The following THTPA variants were observed in gnomAD, a reference collection of about 807,000 sequenced individuals.
THTPA encodes the protein thiamine triphosphatase, also known as thiamine-triphosphatase.
THTPA carries 16 observed loss-of-function variants against 16.5 expected under a neutral mutation model. The observed-to-expected ratio is 0.97, with a 90% CI of 0.66 to 1.47. The LOEUF is 1.47. THTPA is among the 40% of genes most tolerant of loss of function. The pLI, the probability that THTPA is intolerant of heterozygous loss-of-function variation, is 0.00. For synonymous variants in THTPA, 110 were observed against 115.5 expected (o/e 0.95, Z 0.30); for missense variants, 281 against 280.9 (o/e 1.00, Z 0.00).
chr14:23,527,578 A>G, the THTPA span: 1 of 1,536,140 alleles, frequency 6.5e-7, no homozygotes, highest in Non-Finnish European at 8.7e-7. Context: ...GTCTTGTTGT[A>G]CCGTCCTCAC....
At chr14:23,515,037 A>G in the THTPA span, among the ~76,000 whole-genome samples, 39 of 152,310 alleles carry the variant, frequency 2.6e-4, no homozygotes, top group African/African-American at 9.1e-4. Context: ...AGACACACCC[A>G]AGGCTCCAGG....
At chr14:23,555,435 T>C (rs1442138247), upstream of THTPA, among the ~76,000 whole-genome samples, 1 of 152,332 alleles carries the variant, frequency 6.6e-6, no homozygotes, top group Non-Finnish European at 1.5e-5. Context: ...GTCTTCTCCT[T>C]ACGTACCACC....
the THTPA span, chr14:23,535,332 C>A: frequency 7.6e-6 from 11 of 1,450,418 alleles, no homozygotes; most frequent in Non-Finnish European, 7.3e-6. The surrounding 1 kb of genome is among the most constrained non-coding windows in gnomAD (Gnocchi z 4.5). Flanking sequence ...CCATGGTAGA[C>A]GGAGGAGTGC....
the THTPA span, chr14:23,522,884 G>A: frequency 6.7e-6 from 10 of 1,497,390 alleles, no homozygotes; most frequent in African/African-American, 1.1e-4. Context: ...CTGGACCACT[G>A]TGGTGGTAGG....
chr14:23,557,564 T>G (rs1239115997), intron 1 of THTPA, among the ~76,000 whole-genome samples: 1 of 152,234 alleles, frequency 6.6e-6, no homozygotes, highest in African/African-American at 2.4e-5. Flanking sequence ...GGAATTGTTT[T>G]AGCAATTTTC....
chr14:23,523,320 T>G, the THTPA span: 7 of 1,452,112 alleles, frequency 4.8e-6, no homozygotes, highest in Non-Finnish European at 6.3e-6. The surrounding 1 kb of genome is among the most constrained non-coding windows in gnomAD (Gnocchi z 4.1). Context: ...GAGGCAGGTG[T>G]GGTGGCAGGT....
At chr14:23,527,045 C>T in the THTPA span, 15 of 1,427,780 alleles carry the variant, frequency 1.1e-5, no homozygotes, top group Non-Finnish European at 1.4e-5. Context: ...GACCCATCTG[C>T]CCTACACCTG....
In THTPA at chr14:23,556,439, A is replaced by ATCTCGGT; in HGVS notation, c.-319_-318insTCTCGGT. The ATCTCGGT allele has an allele frequency of 5.7e-6, 2 of 350,276 alleles. No homozygotes were observed. Among genetic ancestry groups the ATCTCGGT allele is most frequent in the Non-Finnish European group, 5.2e-6 (1 of 190,488 alleles). The allele number at this position is 350,276 out of a possible 1,614,324, so 21.7% of individuals were successfully genotyped here. On this transcript the variant is annotated 5_prime_UTR_variant, in exon 1 of 2. Coordinates refer to ENST00000288014, the MANE Select transcript of THTPA (RefSeq NM_024328.6). ...AGCCTCCTGGGGTGGCAAGGTGTAG[A>ATCTCGGT]GAGGGGGGCGTTGAAAGGACACCCG... is the stretch of plus-strand genomic sequence containing the variant.
the THTPA span, chr14:23,524,125 G>T: frequency 5.2e-6 from 8 of 1,535,598 alleles, no homozygotes; most frequent in South Asian, 8.3e-5. The surrounding 1 kb of genome is among the most constrained non-coding windows in gnomAD (Gnocchi z 5.6). Context: ...ACTTGGGCAA[G>T]GATGCAGGGG....
At chr14:23,550,819 T>C in the THTPA span, among the ~76,000 whole-genome samples, 1 of 151,608 alleles carries the variant, frequency 6.6e-6, no homozygotes, top group Non-Finnish European at 1.5e-5. Context: ...AGTATCCACG[T>C]CCCCTCCCAC....
intron 1 of THTPA, among the ~76,000 whole-genome samples, chr14:23,557,744 C>T (rs1409684313): frequency 3.3e-5 from 5 of 151,718 alleles, no homozygotes; most frequent in South Asian, 4.1e-4. Flanking sequence ...ACTCTTCCTT[C>T]CCCCAATCTC....
At chr14:23,555,541 C>A (rs1364382953), upstream of THTPA, among the ~76,000 whole-genome samples, 2 of 152,144 alleles carry the variant, frequency 1.3e-5, no homozygotes, top group Non-Finnish European at 2.9e-5. Context: ...TAGTTCCTGG[C>A]CAAAATACCA....
chr14:23,522,055 C>G, the THTPA span: 1 of 1,536,454 alleles, frequency 6.5e-7, no homozygotes, highest in Middle Eastern at 1.7e-4. Flanking sequence ...CCACAGCAGC[C>G]GAGGCAGCAG....
At chr14:23,532,791 T>C in the THTPA span, 1 of 1,536,394 alleles carries the variant, frequency 6.5e-7, no homozygotes, top group Admixed American at 2.0e-5. Flanking sequence ...TGTTTGTCAG[T>C]CTTGAGGTGG....
chr14:23,520,436 C>T, the THTPA span, among the ~76,000 whole-genome samples: 1 of 152,152 alleles, frequency 6.6e-6, no homozygotes, highest in East Asian at 1.9e-4. This position sits in a 1 kb window ranked among gnomAD's most constrained non-coding sequence, Gnocchi z 8.7. Flanking sequence ...AAGGTAAATG[C>T]AAGGAGAAGG....
At position 23,559,941 on chromosome 14, in the gene THTPA, G is replaced by A. The variant is rs761212126; in HGVS notation, c.*1101G>A. On this transcript the variant is annotated 3_prime_UTR_variant, in exon 2 of 2. Coordinates refer to ENST00000288014, the MANE Select transcript of THTPA (RefSeq NM_024328.6). ...TGGGGGAACTCCTGAAGCTCACCTT[G>A]TTAGGATTGAGGATTCTGAAGAGCT... is the stretch of plus-strand genomic sequence containing the variant. 1 of 1,612,958 alleles carries A rather than the reference G, an allele frequency of 6.2e-7. No homozygotes were observed. Among genetic ancestry groups the A allele is most frequent in the South Asian group, 1.1e-5 (1 of 90,962 alleles).
the THTPA span, chr14:23,531,412 GC>G: frequency 3.7e-5 from 49 of 1,336,032 alleles, no homozygotes; most frequent in Middle Eastern, 3.9e-4. Flanking sequence ...TAACTCCGCA[GC>G]CCCCCTGCTC....
the THTPA span, chr14:23,526,270 A>T: frequency 6.5e-7 from 1 of 1,536,346 alleles, no homozygotes; most frequent in Non-Finnish European, 8.7e-7. Context: ...CAGAGGGGTC[A>T]ATGGCAGCCT....
At chr14:23,522,530 A>G in the THTPA span, 6 of 1,528,172 alleles carry the variant, frequency 3.9e-6, no homozygotes, top group Non-Finnish European at 5.3e-6. Context: ...CATGGGGTTC[A>G]TGGGAAATAG....
Sources: allele counts gnomAD v4.1 joint callset (sites outside exome capture counted in the v4.1 genomes callset), GRCh38; gene constraint gnomAD v4.1.1; non-coding constraint Gnocchi (gnomAD v3.1); transcripts MANE v1.5; gene names NCBI Gene and HGNC (gene_info 2026-07-23, HGNC 2026-07-21).